The following DCD variants were observed in gnomAD, a reference collection of about 807,000 sequenced individuals.
The protein encoded by DCD is diffusible survival/evasion peptide.
DCD carries 17 observed loss-of-function variants against 14.5 expected under a neutral mutation model. That is an observed-to-expected ratio of 1.18 (90% CI 0.81 to 1.76). The LOEUF is 1.76. DCD is among the 40% of genes most tolerant of loss of function. The pLI is 0.00. For synonymous variants in DCD, 64 were observed against 54.0 expected (o/e 1.19, Z -0.82); for missense variants, 139 against 133.4 (o/e 1.04, Z -0.21).
intron 1 of DCD, 128 bp downstream of exon 1, chr12:54,648,118 A>G: frequency 1.0e-6 from 1 of 993,546 alleles, no homozygotes; most frequent in Non-Finnish European, 1.5e-6. Context: ...ACCTAGTGGG[A>G]GGCAGGAGTG....
At chr12:54,645,051 T>C in intron 4 of DCD, 122 bp downstream of exon 4, 4 of 1,480,828 alleles carry the variant, frequency 2.7e-6, no homozygotes, top group Non-Finnish European at 2.8e-6. Context: ...GATGAGGAAT[T>C]GGAGACATTT....
Position 54,648,279 on chromosome 12 carries a change from G to C in DCD, c.25C>G (p.Leu9Val). Residue 9 changes from leucine (L) to valine (V), a missense_variant, in exon 1 of 5, where the codon CTG becomes GTG. Leu to Val is a conservative substitution (Grantham distance 32, BLOSUM62 1). Transcript: ENST00000293371. MRFMTLLF[L>V]TALAGALVCA... Reference sequence around the variant, plus strand: ...ACCAGGGCTCCTGCCAGAGCTGTCAGGAAGAGGAGAGTCATGAACCTCATG... The same window carrying C: ...ACCAGGGCTCCTGCCAGAGCTGTCACGAAGAGGAGAGTCATGAACCTCATG... 6.2e-7 allele frequency: 1 copy of C among 1,614,004 alleles called. No individual in the cohort carries two copies.
Position 54,644,628 on chromosome 12 carries a change from T to G in DCD, c.*85A>C. On this transcript the variant is annotated 3_prime_UTR_variant, in exon 5 of 5. Transcript: ENST00000293371. ...TCAGTTTAATAGCTGTTTTAAATTT[T>G]TTTTTTTTTTTTTTTTTTTAGGTTT... The G allele has an allele frequency of 2.1e-5, 19 of 892,118 alleles. No individual in the cohort carries two copies. The South Asian group carries it at 3.3e-4, about 16-fold the overall frequency. The allele number at this position is 892,118 out of a possible 1,614,324, so 55.3% of individuals were successfully genotyped here.
chr12:54,645,319 A>G, intron 3 of DCD, 57 bp from the exon 4 acceptor site: 1 of 1,538,656 alleles, frequency 6.5e-7, no homozygotes, highest in South Asian at 1.1e-5. Flanking sequence ...CTTCCTTTGT[A>G]GGAGAGCTCC....
intron 4 of DCD, 51 bp downstream of exon 4, chr12:54,645,122 G>A: frequency 1.3e-6 from 2 of 1,584,322 alleles, no homozygotes; most frequent in Non-Finnish European, 1.7e-6. Flanking sequence ...TCTCATGCAA[G>A]GGGTGGAGAC....
In DCD at chr12:54,647,029, C is replaced by T. The variant is rs1958266604; in HGVS notation, c.97+92G>A. The T allele has an allele frequency of 5.2e-6, 7 of 1,356,844 alleles. No individual in the cohort carries two copies. In the Admixed American group the frequency reaches 6.9e-5, roughly 13 times the overall value. 84.1% of individuals were successfully genotyped at this position (1,356,844 alleles called of 1,614,324 possible). A position where few individuals can be genotyped will look rare whatever the true frequency, so the allele number is the denominator to read the frequency against. ...GCCTCCCAACTCTCCTTCCCCGGAC[C>T]CCCCTTCTGCTTCTCTGACTTCCTC... On this transcript the variant is annotated intron_variant, in intron 2 of 4. Coordinates refer to ENST00000293371, the MANE Select transcript of DCD (RefSeq NM_053283.4).
Position 54,645,570 on chromosome 12 carries a change from C to T in DCD, c.199+36G>A, listed in dbSNP as rs1300092418. 1.9e-6 allele frequency: 3 copies of T among 1,577,124 alleles called. No homozygotes were observed. In the Admixed American group the frequency reaches 5.0e-5, roughly 26 times the overall value. On this transcript the variant is annotated intron_variant, in intron 3 of 4. Transcript: ENST00000293371. ...CCAGATATCTTGCTGTTTCATGCAT[C>T]AGAATTCTATACCAGGCATTGGGAA...
At chr12:54,645,463 G>T in intron 3 of DCD, 143 bp downstream of exon 3, 1 of 837,378 alleles carries the variant, frequency 1.2e-6, no homozygotes, top group Non-Finnish European at 1.9e-6. Context: ...GTATGTAGAA[G>T]CAGGTGTGCA....
chr12:54,644,929 A>T, intron 4 of DCD, 173 bp from the exon 5 acceptor site: 6 of 1,549,532 alleles, frequency 3.9e-6, no homozygotes, highest in Non-Finnish European at 5.2e-6. Flanking sequence ...AGCCCCAAAG[A>T]CCAACCTCTC....
At chr12:54,645,839 CT>C in intron 2 of DCD, 132 bp from the exon 3 acceptor site, 1 of 696,976 alleles carries the variant, frequency 1.4e-6, no homozygotes, top group Non-Finnish European at 2.5e-6. Flanking sequence ...TCCTCTAGAG[CT>C]TGACTTTCAT....
In DCD at chr12:54,645,067, C is replaced by T. The variant is rs17114920; in HGVS notation, c.289+106G>A. 1.4e-3 allele frequency: 2,147 copies of T among 1,493,464 alleles called. 26 individuals are homozygous for T. The African/African-American group carries it at 0.026, about 18-fold the overall frequency. The allele number at this position is 1,493,464 out of a possible 1,614,324, so 92.5% of individuals were successfully genotyped here. On this transcript the variant is annotated intron_variant, in intron 4 of 4. Transcript: ENST00000293371. ...ATGAGGAATTGGAGACATTTGAAAG[C>T]ACAAAGTGAGGGGTCTTCAATGGGG...
chr12:54,648,095 C>T lies in DCD; in HGVS notation c.58+151G>A, dbSNP rs1958276206. 6.3e-6 allele frequency: 5 copies of T among 790,592 alleles called. No individual in the cohort carries two copies. The Admixed American group carries it at 9.1e-5, about 14-fold the overall frequency. The allele number at this position is 790,592 out of a possible 1,614,324, so 49.0% of individuals were successfully genotyped here. On this transcript the variant is annotated intron_variant, in intron 1 of 4. Coordinates refer to ENST00000293371, the MANE Select transcript of DCD (RefSeq NM_053283.4). ...TCCTGGCTTCCTCTGACCATAGAGT[C>T]CCTGTGTGGAGAACCTAGTGGGAGG...
chr12:54,644,615 C>T lies in DCD; in HGVS notation c.*98G>A. The T allele has an allele frequency of 1.1e-6, 1 of 889,168 alleles. No homozygotes were observed. The highest frequency in any genetic ancestry group is 1.7e-6 in the Non-Finnish European group (1 of 577,086). 55.1% of individuals were successfully genotyped at this position (889,168 alleles called of 1,614,324 possible). On this transcript the variant is annotated 3_prime_UTR_variant, in exon 5 of 5. Coordinates refer to ENST00000293371, the MANE Select transcript of DCD (RefSeq NM_053283.4). ...ATTACAGATGCTTTCAGTTTAATAG[C>T]TGTTTTAAATTTTTTTTTTTTTTTT...
intron 1 of DCD, among the ~76,000 whole-genome samples, 158 bp downstream of exon 1, chr12:54,648,088 A>C (rs1039873143): frequency 5.9e-5 from 9 of 152,172 alleles, no homozygotes; most frequent in South Asian, 2.1e-4. Context: ...TCCTCTGACC[A>C]TAGAGTCCCT....
At chr12:54,647,584 T>C (rs1038587396) in intron 1 of DCD, among the ~76,000 whole-genome samples, 2 of 152,116 alleles carry the variant, frequency 1.3e-5, no homozygotes, top group African/African-American at 4.8e-5. Context: ...TCCAAAAGCA[T>C]GAATGAAGCA....
chr12:54,644,928 G>A, intron 4 of DCD, 172 bp from the exon 5 acceptor site: 3 of 1,549,480 alleles, frequency 1.9e-6, no homozygotes, highest in Non-Finnish European at 2.6e-6. Flanking sequence ...GAGCCCCAAA[G>A]ACCAACCTCT....
At chr12:54,645,106 T>C in intron 4 of DCD, 67 bp downstream of exon 4, 1 of 1,563,222 alleles carries the variant, frequency 6.4e-7, no homozygotes, top group Non-Finnish European at 8.8e-7. Context: ...CTGTGGCAGT[T>C]TCAGATCTCA....
intron 3 of DCD, 78 bp downstream of exon 3, chr12:54,645,528 T>C: frequency 1.5e-6 from 2 of 1,328,720 alleles, no homozygotes. Context: ...CTTGTGCCTG[T>C]GAGGGCAGAC....
Position 54,645,231 on chromosome 12 carries a change from C to T in DCD, c.231G>A (p.Val77=), listed in dbSNP as rs760094128. ...CTTTTCCTAGTTTTCCGAGTCCCCC[C>T]ACAGCTTTTTTTGCTCCGTCTAGGC... The part of the protein sequence containing the change: ...EKGLDGAKKA[V]GGLGKLGKDA... Residue 77 remains valine (V), a synonymous_variant, in exon 4 of 5, where the codon GTG becomes GTA. Coordinates refer to ENST00000293371, the MANE Select transcript of DCD (RefSeq NM_053283.4). 1.9e-6 allele frequency: 3 copies of T among 1,614,060 alleles called. No individual in the cohort carries two copies. Among genetic ancestry groups the T allele is most frequent in the Non-Finnish European group, 1.7e-6 (2 of 1,180,000 alleles).
Sources: gnomAD v4.1 joint callset for allele counts (sites outside exome capture counted in the v4.1 genomes callset) on GRCh38, gnomAD v4.1.1 for gene constraint, MANE v1.5 for transcripts, NCBI Gene and HGNC (gene_info 2026-07-23, HGNC 2026-07-21) for gene names.